Variants in CSMD1 observed in about 807,000 individuals in gnomAD.
CSMD1 encodes CUB and Sushi multiple domains 1, also known as CUB and sushi domain-containing protein 1.
CSMD1 carries 213 observed loss-of-function variants against 417.5 expected under a neutral mutation model. That is an observed-to-expected ratio of 0.51 (90% CI 0.46 to 0.57). The LOEUF is 0.57. Among genes scored for constraint, CSMD1 ranks in the 20% least tolerant of loss-of-function variants. The probability of loss-of-function intolerance (pLI) is 0.00; values close to 1 mark genes in which losing one functional copy is unlikely to be tolerated. For missense variants in CSMD1, 6,923 were observed against 4,529.7 expected, an observed-to-expected ratio of 1.53 and a Z score of -15.17; for synonymous variants, 2,862 against 1,736.8, an observed-to-expected ratio of 1.65 and a Z score of -16.11.
intron 2 of CSMD1, among the ~76,000 whole-genome samples, chr8:4,605,073 C>T (rs977297498): frequency 6.6e-6 from 1 of 152,158 alleles, no homozygotes; most frequent in Non-Finnish European, 1.5e-5. Flanking sequence ...TCCTGCTAAG[C>T]TAATGTGGAA....
chr8:4,084,016 A>G (rs1262926624), intron 3 of CSMD1, among the ~76,000 whole-genome samples: 1 of 152,154 alleles, frequency 6.6e-6, no homozygotes, highest in Non-Finnish European at 1.5e-5. Flanking sequence ...AAACAACCCC[A>G]TCAAGAAGTG....
chr8:4,931,459 C>G (rs1263453922), intron 1 of CSMD1, among the ~76,000 whole-genome samples: 2 of 152,134 alleles, frequency 1.3e-5, no homozygotes, highest in African/African-American at 4.8e-5. Context: ...GCCCAGCCTG[C>G]CCACCGTCTG....
chr8:4,495,850 T>A (rs560836889), intron 2 of CSMD1, among the ~76,000 whole-genome samples: 2 of 152,286 alleles, frequency 1.3e-5, no homozygotes, highest in Non-Finnish European at 2.9e-5. Context: ...GAATTATTAA[T>A]GTAAGTGGAT....
intron 1 of CSMD1, among the ~76,000 whole-genome samples, chr8:4,919,661 C>T (rs1806305048): frequency 6.6e-6 from 1 of 152,148 alleles, no homozygotes; most frequent in Non-Finnish European, 1.5e-5. Context: ...GTACATTGTA[C>T]TACTAATTAA....
At chr8:4,342,742 C>T (rs376257805) in intron 3 of CSMD1, among the ~76,000 whole-genome samples, 7 of 152,032 alleles carry the variant, frequency 4.6e-5, no homozygotes, top group Non-Finnish European at 8.8e-5. Context: ...AGTAGACAGG[C>T]TTGCAGAAGA....
intron 2 of CSMD1, among the ~76,000 whole-genome samples, chr8:4,430,545 C>A (rs778802975): frequency 1.3e-5 from 2 of 152,076 alleles, no homozygotes; most frequent in African/African-American, 4.8e-5. Flanking sequence ...ACACTACTCT[C>A]TAATAAAAGT....
At chr8:3,805,504 A>G (rs1367563097) in intron 5 of CSMD1, among the ~76,000 whole-genome samples, 1 of 152,122 alleles carries the variant, frequency 6.6e-6, no homozygotes, top group Non-Finnish European at 1.5e-5. Context: ...ATGTTCAGGG[A>G]TGACTCTGAG....
At chr8:3,883,416 A>G (rs1256074565) in intron 5 of CSMD1, among the ~76,000 whole-genome samples, 1 of 152,106 alleles carries the variant, frequency 6.6e-6, no homozygotes, top group Non-Finnish European at 1.5e-5. Flanking sequence ...GTGTGTATAT[A>G]TGTATGTGTG....
chr8:3,043,646 A>G (rs1433911088), intron 50 of CSMD1: 2 of 152,172 alleles, frequency 1.3e-5, no homozygotes, highest in African/African-American at 4.8e-5. Context: ...ACATATTGTG[A>G]TTAGAACTTA....
chr8:3,312,449 TA>T (rs1430249090), intron 23 of CSMD1, among the ~76,000 whole-genome samples: 1 of 152,196 alleles, frequency 6.6e-6, no homozygotes, highest in African/African-American at 2.4e-5. Flanking sequence ...TTTTATAAAA[TA>T]CATTCCTCTT....
chr8:4,887,193 A>C (rs1027261868), intron 1 of CSMD1, among the ~76,000 whole-genome samples: 1 of 152,066 alleles, frequency 6.6e-6, no homozygotes, highest in South Asian at 2.1e-4. Flanking sequence ...CCTTTACCGC[A>C]AAGTATTTTA....
rs114394715 is a variant in CSMD1 at position 4,823,143 on chromosome 8, T to C, written c.85+171189A>G. Among the ~76,000 whole-genome samples, 883 of 152,220 alleles carry C rather than the reference T, an allele frequency of 5.8e-3. 11 individuals are homozygous for C. The highest frequency in any genetic ancestry group is 0.02 in the African/African-American group (817 of 41,544). On this transcript the variant is annotated intron_variant, in intron 1 of 69. Coordinates refer to ENST00000635120, the MANE Select transcript of CSMD1 (RefSeq NM_033225.6). ...CAAACTGAAGCTACTGGATGCTTTA[T>C]GCAGCAATCGTCACAACTGCTGGTT...
intron 6 of CSMD1, among the ~76,000 whole-genome samples, chr8:3,743,019 G>A (rs887278413): frequency 5.9e-5 from 9 of 152,134 alleles, no homozygotes; most frequent in African/African-American, 9.7e-5. Context: ...TGGAACATAC[G>A]CCTAGCACAC....
At chr8:3,947,577 C>G (rs1241925841) in intron 5 of CSMD1, among the ~76,000 whole-genome samples, 1 of 152,112 alleles carries the variant, frequency 6.6e-6, no homozygotes, top group South Asian at 2.1e-4. Flanking sequence ...ATTAAATAAA[C>G]CATGGGTTAT....
At chr8:4,160,215 G>C (rs1222769789) in intron 3 of CSMD1, among the ~76,000 whole-genome samples, 1 of 152,036 alleles carries the variant, frequency 6.6e-6, no homozygotes, top group Non-Finnish European at 1.5e-5. Context: ...GCAAAAATCT[G>C]GCTAATTGTT....
At chr8:3,124,014 T>C (rs1205424124) in intron 41 of CSMD1, among the ~76,000 whole-genome samples, 1 of 152,122 alleles carries the variant, frequency 6.6e-6, no homozygotes, top group Admixed American at 6.5e-5. Context: ...AACACCGAAA[T>C]AGGACATTTG....
chr8:4,167,859 G>T (rs1376442380), intron 3 of CSMD1, among the ~76,000 whole-genome samples: 1 of 152,064 alleles, frequency 6.6e-6, no homozygotes. Context: ...CAGACATGAT[G>T]GCTTAGGCCT....
rs118044093 is a variant in CSMD1, at chr8:4,154,020, C to A, written c.416-121921G>T. On this transcript the variant is annotated intron_variant, in intron 3 of 69. Transcript: ENST00000635120. ...ATAGCTTTCCATCCTCATTTTGCAC[C>A]GTATTTTCAGCTTGCTGCCACATTT... Among the ~76,000 whole-genome samples, 852 of 152,194 alleles carry A rather than the reference C, an allele frequency of 5.6e-3. 1 individual carries two copies. Among genetic ancestry groups the A allele is most frequent in the Admixed American group, 9.1e-3 (139 of 15,274 alleles).
intron 5 of CSMD1, among the ~76,000 whole-genome samples, chr8:3,770,990 T>C (rs1798538622): frequency 6.9e-6 from 1 of 145,418 alleles, no homozygotes; most frequent in Non-Finnish European, 1.5e-5. Context: ...TTTGGACAGT[T>C]TCTCTCTCTC....
Sources: gnomAD v4.1 joint callset for allele counts (sites outside exome capture counted in the v4.1 genomes callset) on GRCh38, gnomAD v4.1.1 for gene constraint, MANE v1.5 for transcripts, NCBI Gene and HGNC (gene_info 2026-07-23, HGNC 2026-07-21) for gene names.